PCAT7: variants seen among roughly 807,000 people sequenced by gnomAD.
The protein encoded by PCAT7 is prostate cancer associated transcript 7 (non-protein coding).
chr9:94,562,341 A>G (rs1804614138), intron 2 of PCAT7, among the ~76,000 whole-genome samples: 1 of 148,126 alleles, frequency 6.8e-6, no homozygotes, highest in Admixed American at 6.8e-5. Flanking sequence ...AAGAATGTCC[A>G]TTGTCCATGT....
At chr9:94,557,266 G>A (rs1827025482) in intron 1 of PCAT7, among the ~76,000 whole-genome samples, 1 of 152,214 alleles carries the variant, frequency 6.6e-6, no homozygotes, top group South Asian at 2.1e-4. Flanking sequence ...AATGAAGAAT[G>A]TCTTGTAGTT....
At chr9:94,569,953 CG>C (rs1409480534) in intron 2 of PCAT7, 2 of 152,218 alleles carry the variant, frequency 1.3e-5, no homozygotes, top group East Asian at 3.8e-4. Context: ...AAGCTACCTC[CG>C]CTGGATGTCA....
At chr9:94,564,180 ATTC>A (rs1827152188) in intron 2 of PCAT7, among the ~76,000 whole-genome samples, 1 of 152,238 alleles carries the variant, frequency 6.6e-6, no homozygotes, top group South Asian at 2.1e-4. Context: ...AAAAATATAC[ATTC>A]TTCTCATCAC....
chr9:94,562,126 A>G (rs1827116054), intron 2 of PCAT7, among the ~76,000 whole-genome samples: 1 of 151,930 alleles, frequency 6.6e-6, no homozygotes. Flanking sequence ...CCTGGCTAAC[A>G]TGGTGAAACC....
chr9:94,563,610 A>G, intron 2 of PCAT7: 2 of 859,238 alleles, frequency 2.3e-6, no homozygotes, highest in Non-Finnish European at 3.5e-6. Context: ...AGATTATATA[A>G]TTGTGCATTT....
At chr9:94,563,395 C>T (rs1587836707) in intron 2 of PCAT7, 2 of 1,613,942 alleles carry the variant, frequency 1.2e-6, no homozygotes, top group Non-Finnish European at 1.7e-6. Flanking sequence ...CCTCCATAGA[C>T]CAGGGTGCGG....
rs888200290 is a variant in PCAT7, at chr9:94,559,053, G to A, written n.342G>A. 3.1e-6 allele frequency: 5 copies of A among 1,614,066 alleles called. No homozygotes were observed. The African/African-American group carries it at 5.3e-5, about 17-fold the overall frequency. ...TGCCTCGGGCTTCACGTCCAGTACA[G>A]GCTGGGTCCCCGTGGTCGCCAAGCC... is the stretch of plus-strand genomic sequence containing the variant. On this transcript the variant is annotated non_coding_transcript_exon_variant, in exon 2 of 9. Coordinates refer to ENST00000647389, the Ensembl canonical transcript of PCAT7.
At chr9:94,562,309 CAAAAA>C (rs397893359) in intron 2 of PCAT7, among the ~76,000 whole-genome samples, 2 of 72,126 alleles carry the variant, frequency 2.8e-5, no homozygotes, top group East Asian at 4.4e-4. Context: ...GACTCCATCT[CAAAAA>C]AAAAAAAAAA....
At chr9:94,571,979 C>G (rs1284352981) in intron 2 of PCAT7, among the ~76,000 whole-genome samples, 1 of 152,172 alleles carries the variant, frequency 6.6e-6, no homozygotes, top group Non-Finnish European at 1.5e-5. Flanking sequence ...CTCAACAGCC[C>G]TTTGGGGCAG....
chr9:94,560,104 G>A (rs1472767703), intron 2 of PCAT7, among the ~76,000 whole-genome samples: 1 of 152,176 alleles, frequency 6.6e-6, no homozygotes, highest in Non-Finnish European at 1.5e-5. Flanking sequence ...CAGTCTAGGT[G>A]ACAGAGCAAG....
chr9:94,572,699 TCACA>T (rs547296641), intron 2 of PCAT7, among the ~76,000 whole-genome samples: 56 of 151,544 alleles, frequency 3.7e-4, no homozygotes, highest in Admixed American at 2.9e-3. Flanking sequence ...TGCATTTAAT[TCACA>T]CACACACACA....
intron 1 of PCAT7, among the ~76,000 whole-genome samples, chr9:94,558,324 T>C (rs1472112319): frequency 6.6e-6 from 1 of 152,202 alleles, no homozygotes; most frequent in Non-Finnish European, 1.5e-5. Context: ...AGATGGAATC[T>C]CACTCTGTCA....
At chr9:94,555,423 G>A (rs548470574) in intron 1 of PCAT7, 7 of 152,252 alleles carry the variant, frequency 4.6e-5, no homozygotes, top group African/African-American at 1.7e-4. Context: ...AGACGATGGG[G>A]AAAAGATGGT....
intron 2 of PCAT7, chr9:94,571,524 C>A: frequency 6.2e-7 from 1 of 1,614,022 alleles, no homozygotes; most frequent in Non-Finnish European, 8.5e-7. Flanking sequence ...GTTGCACTAC[C>A]GTACAGCGCA....
intron 2 of PCAT7, among the ~76,000 whole-genome samples, chr9:94,560,881 G>C (rs1307420086): frequency 3.3e-5 from 5 of 150,436 alleles, no homozygotes; most frequent in Non-Finnish European, 7.4e-5. Flanking sequence ...GACTCCATGG[G>C]GGTATTTACT....
chr9:94,557,178 T>C (rs1271068896), intron 1 of PCAT7, among the ~76,000 whole-genome samples: 1 of 152,214 alleles, frequency 6.6e-6, no homozygotes, highest in African/African-American at 2.4e-5. Context: ...CTCCAGCTTT[T>C]CTTTTTATTC....
intron 2 of PCAT7, among the ~76,000 whole-genome samples, chr9:94,566,057 G>C (rs1827185008): frequency 6.6e-6 from 1 of 152,208 alleles, no homozygotes; most frequent in African/African-American, 2.4e-5. Flanking sequence ...CCACATGAAT[G>C]CTCCTGCTTA....
At chr9:94,573,579 T>TAGG (rs1268502770) in intron 3 of PCAT7, among the ~76,000 whole-genome samples, 2 of 152,198 alleles carry the variant, frequency 1.3e-5, no homozygotes, top group Non-Finnish European at 2.9e-5. Flanking sequence ...CATCAATAGA[T>TAGG]ACGATTATGT....
intron 2 of PCAT7, among the ~76,000 whole-genome samples, chr9:94,561,352 ATTTTTTTTTTTTTTT>A (rs1174386595): frequency 5.5e-5 from 3 of 54,970 alleles, no homozygotes; most frequent in Admixed American, 3.2e-4. Flanking sequence ...TGTGACCTGT[ATTTTTTTTTTTTTTT>A]TTTTTTTTTT....
Sources: gnomAD v4.1 joint callset for allele counts (sites outside exome capture counted in the v4.1 genomes callset) on GRCh38, gnomAD v4.1.1 for gene constraint, MANE v1.5 for transcripts, NCBI Gene and HGNC (gene_info 2026-07-23, HGNC 2026-07-21) for gene names.